The following IL1RAPL1 variants were observed in gnomAD, a reference collection of about 807,000 sequenced individuals.
The protein encoded by IL1RAPL1 is interleukin 1 receptor accessory protein like 1.
In IL1RAPL1, 3 loss-of-function variants were observed where a neutral mutation model predicts 48.4. The ratio of observed to expected loss-of-function variants is 0.06; its 90% CI spans 0.03 to 0.16. The LOEUF (loss-of-function observed/expected upper bound fraction) is 0.16, where lower values mean the gene tolerates loss of function less well. Ranked by LOEUF, IL1RAPL1 falls within the 10% of genes least tolerant of loss-of-function variation. The pLI, the probability that IL1RAPL1 is intolerant of heterozygous loss-of-function variation, is 1.00. For missense variants in IL1RAPL1, 349 were observed against 530.6 expected (o/e 0.66, Z 3.36); for synonymous variants, 185 against 187.7 (o/e 0.99, Z 0.12).
At chrX:29,945,556 A>G (rs1487104129) in intron 9 of IL1RAPL1, among the ~76,000 whole-genome samples, 2 of 112,712 alleles carry the variant, frequency 1.8e-5, no homozygotes, top group African/African-American at 6.4e-5. Context: ...TGATAATAAT[A>G]GATTCAATGG....
rs771540817 is a variant in IL1RAPL1, at chrX:28,796,797, GCT to G, written c.82+7374_82+7375del. ...TGAGGATGGTGGCCCCCTTCTTACAGCTCCACTAGGCAGTGCCCCAGTAGGGA... is the reference window on the plus strand; with the variant it reads ...TGAGGATGGTGGCCCCCTTCTTACAGCCACTAGGCAGTGCCCCAGTAGGGA... On this transcript the variant is annotated intron_variant, in intron 2 of 10. Transcript: ENST00000378993. Among the ~76,000 whole-genome samples the G allele has an allele frequency of 5.4e-5, 6 of 111,573 alleles. No homozygotes were observed. In the South Asian group the frequency reaches 2.3e-3, roughly 43 times the overall value.
intron 5 of IL1RAPL1, among the ~76,000 whole-genome samples, chrX:29,535,254 A>T (rs1452066766): frequency 9.0e-6 from 1 of 110,699 alleles, no homozygotes; most frequent in African/African-American, 3.3e-5. Context: ...AGATAATAAG[A>T]TTAATACTAC....
chrX:29,385,054 A>C (rs1396355680), intron 3 of IL1RAPL1, among the ~76,000 whole-genome samples: 1 of 111,780 alleles, frequency 8.9e-6, no homozygotes, highest in Admixed American at 9.5e-5. Context: ...CACACAATTG[A>C]CCCTTTGAAT....
intron 2 of IL1RAPL1, among the ~76,000 whole-genome samples, chrX:28,823,826 G>A (rs1227971986): frequency 9.0e-6 from 1 of 111,249 alleles, no homozygotes; most frequent in Non-Finnish European, 1.9e-5. Context: ...AACACTGGAA[G>A]AATCCAGAAT....
chrX:29,929,665 T>G (rs1182480393), intron 8 of IL1RAPL1, among the ~76,000 whole-genome samples: 1 of 111,592 alleles, frequency 9.0e-6, no homozygotes, highest in African/African-American at 3.3e-5. Context: ...AAGTACCGAC[T>G]TACAATGGTT....
intron 2 of IL1RAPL1, among the ~76,000 whole-genome samples, chrX:29,046,260 G>A (rs1304923482): frequency 3.6e-5 from 4 of 110,065 alleles, no homozygotes; most frequent in Non-Finnish European, 7.6e-5. Context: ...GCCTTACTAT[G>A]TTACCCAGAC....
At chrX:29,701,995 C>A (rs1314645247) in intron 6 of IL1RAPL1, among the ~76,000 whole-genome samples, 1 of 111,704 alleles carries the variant, frequency 9.0e-6, no homozygotes, top group Non-Finnish European at 1.9e-5. Context: ...TGGCTCATGC[C>A]TGTAATCCCA....
chrX:28,892,708 C>A (rs111621394), intron 2 of IL1RAPL1, among the ~76,000 whole-genome samples: 1 of 110,101 alleles, frequency 9.1e-6, no homozygotes, highest in South Asian at 3.9e-4. Context: ...GGATTAGGGG[C>A]GGCGTGGGAA....
At chrX:29,149,270 T>A (rs1929412820) in intron 2 of IL1RAPL1, among the ~76,000 whole-genome samples, 1 of 110,813 alleles carries the variant, frequency 9.0e-6, no homozygotes, top group Non-Finnish European at 1.9e-5. Context: ...GCATTTGGAC[T>A]TGCCTAATCC....
At chrX:29,457,046 A>T (rs1016063344) in intron 5 of IL1RAPL1, among the ~76,000 whole-genome samples, 2 of 109,640 alleles carry the variant, frequency 1.8e-5, no homozygotes, top group South Asian at 4.0e-4. Flanking sequence ...AGGAGGAAAG[A>T]TCACTTGAGC....
chrX:29,884,722 C>G (rs753997970), intron 6 of IL1RAPL1, among the ~76,000 whole-genome samples: 4 of 111,712 alleles, frequency 3.6e-5, no homozygotes, highest in Admixed American at 2.9e-4. Flanking sequence ...AGTTCCTGAT[C>G]TTTTCCTGCG....
chrX:29,286,819 T>A (rs1932289694), intron 3 of IL1RAPL1, among the ~76,000 whole-genome samples: 1 of 112,088 alleles, frequency 8.9e-6, no homozygotes, highest in Non-Finnish European at 1.9e-5. Context: ...TGTGGAAGCA[T>A]TCCAGTGCCC....
At chrX:29,897,507 T>G (rs756229532) in intron 6 of IL1RAPL1, among the ~76,000 whole-genome samples, 1 of 112,132 alleles carries the variant, frequency 8.9e-6, no homozygotes, top group African/African-American at 3.2e-5. Flanking sequence ...TATTTATTGT[T>G]ATGTAAACCA....
Position 29,776,677 on chromosome X carries a change from G to A in IL1RAPL1, c.778+108173G>A, listed in dbSNP as rs146688364. On this transcript the variant is annotated intron_variant, in intron 6 of 10. Transcript: ENST00000378993. ...TAAAGGATACTTGGAGAAACCTGAA[G>A]AAAGTAATTTAGACTATTTTATGGT... Among the ~76,000 whole-genome samples the A allele has an allele frequency of 9.8e-3, 1,096 of 111,991 alleles. 11 individuals carry two copies. Among genetic ancestry groups the A allele is most frequent in the African/African-American group, 0.034 (1,041 of 30,891 alleles).
At chrX:29,569,628 A>G (rs1922526316) in intron 5 of IL1RAPL1, among the ~76,000 whole-genome samples, 2 of 104,054 alleles carry the variant, frequency 1.9e-5, no homozygotes, top group Non-Finnish European at 3.8e-5. Flanking sequence ...CATGAATAAA[A>G]TTGCAAAAAA....
chrX:28,950,853 CA>C (rs1472923862), intron 2 of IL1RAPL1, among the ~76,000 whole-genome samples: 1 of 109,012 alleles, frequency 9.2e-6, no homozygotes, highest in Non-Finnish European at 1.9e-5. Context: ...TTCACAATAG[CA>C]AAGACTTGGA....
At chrX:29,881,502 C>G (rs139687753) in intron 6 of IL1RAPL1, among the ~76,000 whole-genome samples, 1,385 of 111,089 alleles carry the variant, frequency 0.012, 24 homozygotes, top group African/African-American at 0.042. Flanking sequence ...CCGCACCCCC[C>G]TCATGACCCT....
At position 29,449,119 on chromosome X, in the gene IL1RAPL1, G is replaced by A. The variant is rs573275495; in HGVS notation, c.703+49811G>A. On this transcript the variant is annotated intron_variant, in intron 5 of 10. Transcript: ENST00000378993. ...TGTTACCATATTTAATATTTACAAC[G>A]ATCCAATGAAAGGTACTATTCTTCC... 2.7e-5 allele frequency among the ~76,000 whole-genome samples: 3 copies of A among 111,308 alleles called. No homozygotes were observed. The Admixed American group carries it at 2.9e-4, about 11-fold the overall frequency.
chrX:28,908,453 A>G (rs1923276476), intron 2 of IL1RAPL1, among the ~76,000 whole-genome samples: 1 of 111,604 alleles, frequency 9.0e-6, no homozygotes, highest in South Asian at 3.7e-4. Context: ...TTGACTCGTG[A>G]TTTATTTGGA....
Sources: gnomAD v4.1 joint callset for allele counts (sites outside exome capture counted in the v4.1 genomes callset) on GRCh38, gnomAD v4.1.1 for gene constraint, MANE v1.5 for transcripts, NCBI Gene and HGNC (gene_info 2026-07-23, HGNC 2026-07-21) for gene names.